PPP4R3A: variants seen among roughly 807,000 people sequenced by gnomAD.
The protein encoded by PPP4R3A is protein phosphatase 4 regulatory subunit 3A, also known as serine/threonine-protein phosphatase 4 regulatory subunit 3A.
In PPP4R3A, 15 loss-of-function variants were observed where a neutral mutation model predicts 91.7. That is an observed-to-expected ratio of 0.16 (90% CI 0.11 to 0.25). The LOEUF (loss-of-function observed/expected upper bound fraction) is 0.25, where lower values mean the gene tolerates loss of function less well. Among genes scored for constraint, PPP4R3A ranks in the 10% least tolerant of loss-of-function variants. The pLI is 1.00. For missense variants in PPP4R3A, 623 were observed against 998.4 expected, an observed-to-expected ratio of 0.62 and a Z score of 5.07; for synonymous variants, 377 against 348.7, an observed-to-expected ratio of 1.08 and a Z score of -0.91.
intron 1 of PPP4R3A, among the ~76,000 whole-genome samples, chr14:91,504,325 TAAAAAAA>T (rs35776205): frequency 8.7e-6 from 1 of 115,012 alleles, no homozygotes; most frequent in Non-Finnish European, 1.9e-5. Context: ...TCTTAAAAAT[TAAAAAAA>T]AAAAAAAAAG....
intron 10 of PPP4R3A, among the ~76,000 whole-genome samples, chr14:91,467,157 T>C (rs999086239): frequency 6.6e-6 from 1 of 152,220 alleles, no homozygotes; most frequent in Non-Finnish European, 1.5e-5. Context: ...TTACATTTTA[T>C]ATCAAGAACT....
chr14:91,487,162 G>A (rs929922892), intron 2 of PPP4R3A, among the ~76,000 whole-genome samples: 1 of 145,076 alleles, frequency 6.9e-6, no homozygotes, highest in Non-Finnish European at 1.5e-5. Flanking sequence ...ATGTGGGAGA[G>A]TCACTTGAAC....
Position 91,462,251 on chromosome 14 carries a change from GAAGA to G in PPP4R3A, c.1974-16_1974-13del. ...AAATGGAACGCATACTATGAGTAGG[GAAGA>G]AAGAGTAAATACAATCATATATGGA... On this transcript the variant is annotated splice_polypyrimidine_tract_variant and intron_variant, in intron 12 of 14. Transcript: ENST00000554943. 6.4e-7 allele frequency: 1 copy of G among 1,560,244 alleles called. No individual in the cohort carries two copies. The highest frequency in any genetic ancestry group is 8.6e-7 in the Non-Finnish European group (1 of 1,159,252).
At chr14:91,486,283 T>G (rs529361726) in intron 2 of PPP4R3A, among the ~76,000 whole-genome samples, 1 of 151,738 alleles carries the variant, frequency 6.6e-6, no homozygotes, top group South Asian at 2.1e-4. Flanking sequence ...AGTGCTATGG[T>G]TCAAGAAGCA....
chr14:91,476,653 C>T, intron 5 of PPP4R3A, 129 bp from the exon 6 acceptor site: 1 of 702,336 alleles, frequency 1.4e-6, no homozygotes, highest in Non-Finnish European at 2.3e-6. Flanking sequence ...GCAACCTCCA[C>T]CTCCCGAGTT....
chr14:91,492,660 T>C (rs1890296794), intron 1 of PPP4R3A, among the ~76,000 whole-genome samples: 1 of 152,160 alleles, frequency 6.6e-6, no homozygotes, highest in South Asian at 2.1e-4. Context: ...AACTAAACAT[T>C]CACCATATTA....
Position 91,462,886 on chromosome 14 carries a change from A to G in PPP4R3A, c.1831-9T>C, listed in dbSNP as rs1278344038. On this transcript the variant is annotated splice_polypyrimidine_tract_variant and intron_variant, in intron 11 of 14. Transcript: ENST00000554943. The stretch of plus-strand genomic sequence containing the variant: ...AATGATTTTATATCTTCCTACAGAA[A>G]AGAATAGTAATGAAAAAATGATAGG... 1 of 1,575,294 alleles carries G rather than the reference A, an allele frequency of 6.3e-7. No homozygotes were observed. Among genetic ancestry groups the G allele is most frequent in the African/African-American group, 1.4e-5 (1 of 73,392 alleles).
intron 1 of PPP4R3A, among the ~76,000 whole-genome samples, chr14:91,502,954 G>A (rs1421248718): frequency 6.6e-6 from 1 of 152,196 alleles, no homozygotes; most frequent in Admixed American, 6.5e-5. Context: ...TCAGTGTGTG[G>A]AGGAATTCCA....
chr14:91,476,658 C>T lies in PPP4R3A; in HGVS notation c.994-134G>A, dbSNP rs1402924795. 1.6e-5 allele frequency: 11 copies of T among 679,892 alleles called. No homozygotes were observed. In the East Asian group the frequency reaches 1.9e-4, roughly 12 times the overall value. 42.1% of individuals were successfully genotyped at this position (679,892 alleles called of 1,614,324 possible). A position where few individuals can be genotyped will look rare whatever the true frequency, so the allele number is the denominator to read the frequency against. ...TTGGCTCACTGCAACCTCCACCTCCCGAGTTCAAGCGATTCTCCTGCCTCA... is the reference window on the plus strand; with the variant it reads ...TTGGCTCACTGCAACCTCCACCTCCTGAGTTCAAGCGATTCTCCTGCCTCA... On this transcript the variant is annotated intron_variant, in intron 5 of 14. Coordinates refer to ENST00000554943, the MANE Select transcript of PPP4R3A (RefSeq NM_001366432.2).
intron 10 of PPP4R3A, among the ~76,000 whole-genome samples, chr14:91,468,755 T>A: frequency 6.8e-6 from 1 of 145,994 alleles, no homozygotes. Context: ...TTTACCCAAT[T>A]AACATCTTAA....
At chr14:91,484,628 A>T (rs535455752) in intron 3 of PPP4R3A, among the ~76,000 whole-genome samples, 10 of 152,322 alleles carry the variant, frequency 6.6e-5, no homozygotes, top group African/African-American at 2.4e-4. Context: ...TTAAAAAACA[A>T]TTATTGGACC....
At chr14:91,474,986 G>T (rs1168999053) in intron 7 of PPP4R3A, 1 of 151,820 alleles carries the variant, frequency 6.6e-6, no homozygotes, top group African/African-American at 2.4e-5. Flanking sequence ...CATTAAATAG[G>T]ATCTTTTCAA....
intron 11 of PPP4R3A, 39 bp downstream of exon 11, chr14:91,465,211 A>G (rs764457947): frequency 1.4e-6 from 2 of 1,420,606 alleles, no homozygotes; most frequent in Non-Finnish European, 1.9e-6. Context: ...TTTCTCAAAC[A>G]ATTAAAATGA....
At chr14:91,507,402 A>ATAGT (rs1288676807) in intron 1 of PPP4R3A, among the ~76,000 whole-genome samples, 1 of 82,138 alleles carries the variant, frequency 1.2e-5, no homozygotes, top group African/African-American at 4.9e-5. Context: ...TATGTACTAT[A>ATAGT]ATTATATATA....
chr14:91,458,711 G>C lies in PPP4R3A; in HGVS notation c.*48C>G. 6.2e-7 allele frequency: 1 copy of C among 1,613,658 alleles called. No individual in the cohort carries two copies. The highest frequency in any genetic ancestry group is 2.2e-5 in the East Asian group (1 of 44,854). On this transcript the variant is annotated 3_prime_UTR_variant, in exon 15 of 15. Transcript: ENST00000554943. ...GTGGATTTTGTATGGGGGAGGGGTG[G>C]AGAACCAGTTTTTTTCAACAGGTAC... is the stretch of plus-strand genomic sequence containing the variant.
chr14:91,493,624 A>G lies in PPP4R3A; in HGVS notation c.143-2822T>C, dbSNP rs552723314. ...ATAGGATGGTGAGACCCCATACTAT[A>G]TATTTTTAATATAAAATTTAAAAAA... On this transcript the variant is annotated intron_variant, in intron 1 of 14. Transcript: ENST00000554943. 2.3e-4 allele frequency among the ~76,000 whole-genome samples: 23 copies of G among 99,428 alleles called. 1 individual carries two copies. Among genetic ancestry groups the G allele is most frequent in the South Asian group, 1.8e-3 (5 of 2,804 alleles). The allele number at this position is 99,428 out of a possible 152,430, so 65.2% of individuals were successfully genotyped here.
chr14:91,473,471 G>T, intron 7 of PPP4R3A, 101 bp from the exon 8 acceptor site: 1 of 1,278,710 alleles, frequency 7.8e-7, no homozygotes, highest in Non-Finnish European at 1.1e-6. Flanking sequence ...GGCTCTAGCT[G>T]TTTTGTTAAC....
rs746667721 is a variant in PPP4R3A, at chr14:91,473,019, C to T, written c.1501+14G>A. The T allele has an allele frequency of 9.9e-6, 16 of 1,608,356 alleles. No individual in the cohort carries two copies. The East Asian group carries it at 1.1e-4, about 11-fold the overall frequency. On this transcript the variant is annotated intron_variant, in intron 9 of 14. Transcript: ENST00000554943. Reference sequence around the variant, plus strand: ...AAGAACAGAGAACTTAACTACCAACCTGAATTATCTTACCTTTACTAGGTT... The same window carrying T: ...AAGAACAGAGAACTTAACTACCAACTTGAATTATCTTACCTTTACTAGGTT...
intron 1 of PPP4R3A, among the ~76,000 whole-genome samples, chr14:91,502,865 T>C (rs571145075): frequency 6.6e-6 from 1 of 152,362 alleles, no homozygotes; most frequent in East Asian, 1.9e-4. Context: ...AAAAACTCAA[T>C]GTAAGCACAC....
Sources: gnomAD v4.1 joint callset for allele counts (sites outside exome capture counted in the v4.1 genomes callset) on GRCh38, gnomAD v4.1.1 for gene constraint, MANE v1.5 for transcripts, NCBI Gene and HGNC (gene_info 2026-07-23, HGNC 2026-07-21) for gene names.